FAM53A: variants seen among roughly 807,000 people sequenced by gnomAD.
FAM53A encodes the protein protein FAM53A.
A neutral mutation model predicts 26.6 loss-of-function variants in FAM53A; 28 were observed. The observed-to-expected ratio is 1.05, with a 90% confidence interval of 0.78 to 1.45. The LOEUF (loss-of-function observed/expected upper bound fraction) is 1.45. FAM53A is among the 40% of genes most tolerant of loss of function. The probability of loss-of-function intolerance (pLI) is 0.00; values close to 1 mark genes in which losing one functional copy is unlikely to be tolerated. For missense variants in FAM53A, 650 were observed against 575.8 expected (o/e 1.13, Z -1.32); for synonymous variants, 290 against 253.1 (o/e 1.15, Z -1.38).
At position 1,648,603 on chromosome 4, in the gene FAM53A, C is replaced by T. The variant is rs184928614; in HGVS notation, c.882+6375G>A. Among the ~76,000 whole-genome samples the T allele has an allele frequency of 2.9e-3, 443 of 152,246 alleles. 2 individuals are homozygous for T. Among genetic ancestry groups the T allele is most frequent in the African/African-American group, 0.01 (425 of 41,538 alleles). ...CCCCACAAACCTTTTTACCAGAAAG[C>T]GATGACTACGGTCACACTGAAGACA... On this transcript the variant is annotated intron_variant, in intron 4 of 4. Coordinates refer to ENST00000308132, the MANE Select transcript of FAM53A (RefSeq NM_001174070.3).
exon 2 of FAM53A, chr4:1,618,020 A>G: frequency 1.3e-5 from 6 of 456,356 alleles, no homozygotes; most frequent in South Asian, 9.3e-5. Context: ...CCGACCAGTG[A>G]GGAGACGGCT....
chr4:1,626,283 C>T (rs201405063), intron 1 of FAM53A, among the ~76,000 whole-genome samples: 1 of 152,236 alleles, frequency 6.6e-6, no homozygotes, highest in East Asian at 1.9e-4. Context: ...GGAGCATGAA[C>T]AGACGGTGGC....
chr4:1,665,963 C>T (rs1269446477), intron 2 of FAM53A, among the ~76,000 whole-genome samples: 86 of 125,504 alleles, frequency 6.9e-4, no homozygotes, highest in South Asian at 1.3e-3. Flanking sequence ...CCTGCACCCC[C>T]ATATCTAAAA....
At chr4:1,683,858 G>C (rs1175815830) in intron 1 of FAM53A, 2 of 152,240 alleles carry the variant, frequency 1.3e-5, no homozygotes, top group African/African-American at 4.8e-5. Flanking sequence ...CGCAGAAAAA[G>C]CGGCTTCGGA....
At chr4:1,583,584 G>A in the FAM53A span, among the ~76,000 whole-genome samples, 1 of 152,254 alleles carries the variant, frequency 6.6e-6, no homozygotes, top group Non-Finnish European at 1.5e-5. Flanking sequence ...GGCACAGCAA[G>A]TGTGCACAAC....
intron 2 of FAM53A, among the ~76,000 whole-genome samples, chr4:1,663,935 C>G (rs979443456): frequency 1.3e-5 from 2 of 152,144 alleles, no homozygotes; most frequent in South Asian, 2.1e-4. Context: ...AGTGCTCACT[C>G]CAACCAGCAA....
At chr4:1,650,301 T>C (rs1474527876) in intron 4 of FAM53A, among the ~76,000 whole-genome samples, 1 of 135,206 alleles carries the variant, frequency 7.4e-6, no homozygotes, top group Non-Finnish European at 1.6e-5. Context: ...AGGCGTGGTG[T>C]TTGTGAGGTG....
chr4:1,678,427 CCACA>C (rs768668009), intron 1 of FAM53A, among the ~76,000 whole-genome samples: 2 of 152,286 alleles, frequency 1.3e-5, no homozygotes, highest in East Asian at 3.9e-4. Flanking sequence ...AGATATAGAA[CCACA>C]CAGTCACTGA....
the FAM53A span, among the ~76,000 whole-genome samples, chr4:1,597,964 C>T: frequency 6.6e-6 from 1 of 152,216 alleles, no homozygotes; most frequent in African/African-American, 2.4e-5. Context: ...CCACTGCACT[C>T]CAGCCTCGGC....
At chr4:1,632,872 A>G (rs1407441595) in intron 1 of FAM53A, among the ~76,000 whole-genome samples, 1 of 152,248 alleles carries the variant, frequency 6.6e-6, no homozygotes, top group Non-Finnish European at 1.5e-5. Flanking sequence ...ACACACAGGT[A>G]CACTTACACA....
In FAM53A at chr4:1,649,517, G is replaced by A. The variant is rs371890285; in HGVS notation, c.882+5461C>T. Reference sequence around the variant, plus strand: ...GGCTAGACAGAGTTAAGGAGCAGACGAAATCTCAGCTGGTGAGGACCAGGT... The same window carrying A: ...GGCTAGACAGAGTTAAGGAGCAGACAAAATCTCAGCTGGTGAGGACCAGGT... On this transcript the variant is annotated intron_variant, in intron 4 of 4. Coordinates refer to ENST00000308132, the MANE Select transcript of FAM53A (RefSeq NM_001174070.3). 4.3e-4 allele frequency among the ~76,000 whole-genome samples: 65 copies of A among 152,364 alleles called. 1 individual carries two copies. The East Asian group carries it at 7.1e-3, about 17-fold the overall frequency.
At chr4:1,623,598 C>T (rs111735808) in intron 1 of FAM53A, among the ~76,000 whole-genome samples, 3 of 152,216 alleles carry the variant, frequency 2.0e-5, no homozygotes, top group Non-Finnish European at 2.9e-5. Flanking sequence ...GGTGACCTTG[C>T]GGTAACCCAA....
intron 1 of FAM53A, among the ~76,000 whole-genome samples, chr4:1,620,110 G>A (rs968425841): frequency 6.6e-6 from 1 of 151,998 alleles, no homozygotes; most frequent in Non-Finnish European, 1.5e-5. Context: ...GGGAGGCAGA[G>A]GCAGGAGAAT....
the FAM53A span, among the ~76,000 whole-genome samples, chr4:1,593,013 T>C: frequency 6.6e-6 from 1 of 151,976 alleles, no homozygotes; most frequent in Non-Finnish European, 1.5e-5. Context: ...CCAGCCCAGC[T>C]GGGTCACTTT....
In FAM53A at chr4:1,655,572, G is replaced by A; in HGVS notation, c.288C>T (p.Gly96=). 1 of 1,581,054 alleles carries A rather than the reference G, an allele frequency of 6.3e-7. No individual in the cohort carries two copies. The highest frequency in any genetic ancestry group is 8.6e-7 in the Non-Finnish European group (1 of 1,162,666). ...WQPQSPRPGA[G]LGAASTVDPS... is the part of the protein sequence containing the mutation. ...GGTCCACGGTGCTGGCTGCACCCAG[G>A]CCTGCGCCTGGGCGCGGGGACTGTG... is the stretch of plus-strand genomic sequence containing the variant. The change falls in exon 4 of 5, where the codon GGC becomes GGT. Residue 96 remains glycine, a synonymous_variant. Transcript: ENST00000308132.
the FAM53A span, among the ~76,000 whole-genome samples, chr4:1,609,882 G>A: frequency 6.6e-6 from 1 of 152,116 alleles, no homozygotes; most frequent in African/African-American, 2.4e-5. Flanking sequence ...AGAATCGCTT[G>A]AACTCAGGAG....
chr4:1,677,536 C>CTTT (rs1029113310), intron 1 of FAM53A, among the ~76,000 whole-genome samples: 3 of 152,178 alleles, frequency 2.0e-5, no homozygotes, highest in African/African-American at 7.2e-5. Flanking sequence ...TTTTAAATTA[C>CTTT]TTTTTCTGGT....
the FAM53A span, among the ~76,000 whole-genome samples, chr4:1,592,030 C>A: frequency 6.6e-6 from 1 of 152,138 alleles, no homozygotes; most frequent in African/African-American, 2.4e-5. Flanking sequence ...GAGCCCAGCA[C>A]CATACGGCTG....
intron 4 of FAM53A, 144 bp downstream of exon 4, chr4:1,654,834 G>A (rs1713172231): frequency 8.6e-7 from 1 of 1,168,706 alleles, no homozygotes; most frequent in African/African-American, 1.6e-5. Flanking sequence ...CACTCCAGAT[G>A]GCTCTCCTCA....
Sources: allele counts gnomAD v4.1 joint callset (sites outside exome capture counted in the v4.1 genomes callset), GRCh38; gene constraint gnomAD v4.1.1; transcripts MANE v1.5; gene names NCBI Gene and HGNC (gene_info 2026-07-23, HGNC 2026-07-21).